The following PRKG1 variants were observed in gnomAD, a reference collection of about 807,000 sequenced individuals.
PRKG1 encodes the protein cGMP-dependent protein kinase 1.
Under a neutral mutation model 88.1 loss-of-function variants are expected in PRKG1, and 35 were observed. That is an observed-to-expected ratio of 0.40 (90% confidence interval 0.30 to 0.53). The LOEUF (loss-of-function observed/expected upper bound fraction) is 0.53. PRKG1 is among the 20% of genes least tolerant of loss of function. PRKG1 has a pLI of 0.59. For missense variants in PRKG1, 540 were observed against 839.8 expected, an observed-to-expected ratio of 0.64 and a Z score of 4.41; for synonymous variants, 303 against 292.5, an observed-to-expected ratio of 1.04 and a Z score of -0.37.
At chr10:51,614,264 T>A (rs1414322258) in intron 3 of PRKG1, among the ~76,000 whole-genome samples, 1 of 151,998 alleles carries the variant, frequency 6.6e-6, no homozygotes, top group Non-Finnish European at 1.5e-5. Flanking sequence ...TATTTTTTAC[T>A]GTTTTGCCTT....
At chr10:51,747,831 G>A (rs1001768339) in intron 3 of PRKG1, among the ~76,000 whole-genome samples, 4 of 152,072 alleles carry the variant, frequency 2.6e-5, no homozygotes, top group Admixed American at 1.3e-4. Flanking sequence ...GTGCAGTGGC[G>A]CAATCTTGGC....
At chr10:52,279,712 C>A (rs1182796131) in intron 12 of PRKG1, among the ~76,000 whole-genome samples, 1 of 152,046 alleles carries the variant, frequency 6.6e-6, no homozygotes, top group Non-Finnish European at 1.5e-5. Context: ...TGAAAGCAAG[C>A]TCTGAAGCTA....
At chr10:51,001,492 A>G (rs550990959) in intron 1 of PRKG1, among the ~76,000 whole-genome samples, 3 of 152,268 alleles carry the variant, frequency 2.0e-5, no homozygotes, top group Non-Finnish European at 4.4e-5. Context: ...TAGAAAAAAA[A>G]TTAGATTATT....
At chr10:51,099,804 A>T (rs1844635398) in intron 1 of PRKG1, among the ~76,000 whole-genome samples, 1 of 152,200 alleles carries the variant, frequency 6.6e-6, no homozygotes, top group African/African-American at 2.4e-5. Flanking sequence ...TTTTGATCAT[A>T]CACTTTGCTG....
chr10:52,257,158 G>T (rs1841327661), intron 10 of PRKG1, among the ~76,000 whole-genome samples: 1 of 138,930 alleles, frequency 7.2e-6, no homozygotes, highest in Non-Finnish European at 1.6e-5. Flanking sequence ...TAACTGGATT[G>T]CCCAGGAAAA....
intron 8 of PRKG1, among the ~76,000 whole-genome samples, chr10:52,153,371 T>C (rs1468274077): frequency 6.6e-6 from 1 of 152,224 alleles, no homozygotes; most frequent in Non-Finnish European, 1.5e-5. Flanking sequence ...TGAAAGCATG[T>C]GTACAAGTAA....
At chr10:51,243,792 G>A (rs1839216264) in intron 2 of PRKG1, among the ~76,000 whole-genome samples, 1 of 152,132 alleles carries the variant, frequency 6.6e-6, no homozygotes, top group Non-Finnish European at 1.5e-5. Context: ...GATATCAGTA[G>A]ATATACTCCT....
At chr10:51,763,144 T>C (rs1482790721) in intron 3 of PRKG1, among the ~76,000 whole-genome samples, 1 of 152,188 alleles carries the variant, frequency 6.6e-6, no homozygotes, top group Non-Finnish European at 1.5e-5. Flanking sequence ...GCATGGTTCT[T>C]GGAGAAAAAT....
At chr10:51,297,876 T>C (rs1198157366) in intron 2 of PRKG1, among the ~76,000 whole-genome samples, 1 of 152,142 alleles carries the variant, frequency 6.6e-6, no homozygotes, top group Non-Finnish European at 1.5e-5. Context: ...AGGCATTTAA[T>C]GGCTTTTCCT....
intron 2 of PRKG1, among the ~76,000 whole-genome samples, chr10:51,256,195 C>T (rs190462625): frequency 8.5e-5 from 13 of 152,266 alleles, no homozygotes; most frequent in African/African-American, 3.1e-4. Flanking sequence ...AGAGCCCCCA[C>T]AGACCTCTGC....
intron 3 of PRKG1, among the ~76,000 whole-genome samples, chr10:51,756,732 G>A (rs546804459): frequency 6.0e-4 from 91 of 151,246 alleles, no homozygotes; most frequent in African/African-American, 1.5e-3. Context: ...GGAGGATGGC[G>A]TGAACCCGGG....
rs557677127 is a variant in PRKG1 at position 52,133,717 on chromosome 10, G to A, written c.936-123G>A. 6 of 750,262 alleles carry A rather than the reference G, an allele frequency of 8.0e-6. No homozygotes were observed. The East Asian group carries it at 1.7e-4, about 22-fold the overall frequency. 46.5% of individuals were successfully genotyped at this position (750,262 alleles called of 1,614,324 possible). On this transcript the variant is annotated intron_variant, in intron 7 of 17. Transcript: ENST00000373980. ...ATTTTGAAACATAAACAAAGCTTAA[G>A]CCTGGAGGTGGATAAATCAGAAGAG...
chr10:51,768,651 T>C (rs1838229297), intron 3 of PRKG1, among the ~76,000 whole-genome samples: 1 of 152,132 alleles, frequency 6.6e-6, no homozygotes, highest in South Asian at 2.1e-4. Flanking sequence ...CCCATATGTT[T>C]TACATATCCT....
intron 5 of PRKG1, among the ~76,000 whole-genome samples, chr10:52,009,977 G>A (rs1008321254): frequency 6.6e-6 from 1 of 152,044 alleles, no homozygotes; most frequent in African/African-American, 2.4e-5. Flanking sequence ...ATATATGGAA[G>A]ATTGAAACTG....
intron 2 of PRKG1, among the ~76,000 whole-genome samples, chr10:51,453,421 C>T (rs1226331046): frequency 3.3e-5 from 5 of 151,954 alleles, no homozygotes; most frequent in African/African-American, 1.2e-4. Flanking sequence ...TATTTGTGCT[C>T]TTTCAGACTT....
intron 2 of PRKG1, among the ~76,000 whole-genome samples, chr10:51,292,045 G>A (rs879318378): frequency 8.6e-5 from 13 of 151,960 alleles, no homozygotes; most frequent in Admixed American, 2.0e-4. Context: ...TTTAGGGGGA[G>A]CCTTAAAAAG....
chr10:51,393,069 G>T (rs561946558), intron 2 of PRKG1, among the ~76,000 whole-genome samples: 28 of 60,946 alleles, frequency 4.6e-4, no homozygotes, highest in Admixed American at 1.4e-3. Context: ...AGGCGGGGCG[G>T]CTGCCGGGCG....
chr10:51,771,294 C>G (rs1838298515), intron 3 of PRKG1, among the ~76,000 whole-genome samples: 1 of 152,176 alleles, frequency 6.6e-6, no homozygotes, highest in Non-Finnish European at 1.5e-5. Context: ...AGATCATATG[C>G]AGTGCATGAC....
rs1434042411 is a variant in PRKG1, at chr10:51,818,970, G to GCACTC, written c.698+14283_698+14287dup. ...TGCAGTGAGCCGAGATCCCGCCACTGCACTCCAGCCTGGGCGACAGAGCGA... is the reference window on the plus strand; with the variant it reads ...TGCAGTGAGCCGAGATCCCGCCACTGCACTCCACTCCAGCCTGGGCGACAGAGCGA... On this transcript the variant is annotated intron_variant, in intron 4 of 17. Coordinates refer to ENST00000373980, the MANE Select transcript of PRKG1 (RefSeq NM_006258.4). Among the ~76,000 whole-genome samples, 7 of 75,840 alleles carry GCACTC rather than the reference G, an allele frequency of 9.2e-5. 1 individual carries two copies. The highest frequency in any genetic ancestry group is 1.4e-4 in the Non-Finnish European group (7 of 49,510). The allele number at this position is 75,840 out of a possible 152,430, so 49.8% of individuals were successfully genotyped here. A position where few individuals can be genotyped will look rare whatever the true frequency, so the allele number is the denominator to read the frequency against.
Sources: gnomAD v4.1 joint callset for allele counts (sites outside exome capture counted in the v4.1 genomes callset) on GRCh38, gnomAD v4.1.1 for gene constraint, MANE v1.5 for transcripts, NCBI Gene and HGNC (gene_info 2026-07-23, HGNC 2026-07-21) for gene names.